BNC2: variants seen among roughly 807,000 people sequenced by gnomAD.
The protein encoded by BNC2 is basonuclin zinc finger protein 2, also known as zinc finger protein basonuclin-2.
Under a neutral mutation model 76.3 loss-of-function variants are expected in BNC2, and 20 were observed. The ratio of observed to expected loss-of-function variants is 0.26; its 90% confidence interval spans 0.18 to 0.38. The LOEUF is 0.38. Among genes scored for constraint, BNC2 ranks in the 10% least tolerant of loss-of-function variants. The probability of loss-of-function intolerance (pLI) is 1.00; values close to 1 mark genes in which losing one functional copy is unlikely to be tolerated. For synonymous variants in BNC2, 582 were observed against 514.8 expected, an observed-to-expected ratio of 1.13 and a Z score of -1.77; for missense variants, 1,382 against 1,399.8, an observed-to-expected ratio of 0.99 and a Z score of 0.20.
At chr9:16,465,533 A>C (rs1244994302) in intron 5 of BNC2, among the ~76,000 whole-genome samples, 1 of 152,080 alleles carries the variant, frequency 6.6e-6, no homozygotes, top group African/African-American at 2.4e-5. Context: ...GATTAGAACA[A>C]ACACCAGCCA....
At chr9:16,598,113 G>A (rs972302526) in intron 3 of BNC2, among the ~76,000 whole-genome samples, 7 of 152,044 alleles carry the variant, frequency 4.6e-5, no homozygotes, top group Non-Finnish European at 7.4e-5. Context: ...TTCACATCAC[G>A]TGCTAGACAC....
chr9:16,451,423 C>G (rs952333841), intron 5 of BNC2, among the ~76,000 whole-genome samples: 1 of 152,138 alleles, frequency 6.6e-6, no homozygotes, highest in African/African-American at 2.4e-5. Context: ...ATTTCACTCC[C>G]CTTCTTAGCA....
chr9:16,518,664 C>T (rs1418637454), intron 5 of BNC2, among the ~76,000 whole-genome samples: 2 of 151,818 alleles, frequency 1.3e-5, no homozygotes, highest in African/African-American at 4.8e-5. Flanking sequence ...GCAGTAGCAC[C>T]GTCTTGGCTC....
At chr9:16,707,053 T>C (rs971979932) in intron 3 of BNC2, among the ~76,000 whole-genome samples, 3 of 152,192 alleles carry the variant, frequency 2.0e-5, no homozygotes, top group East Asian at 1.9e-4. Context: ...ATACAAAAAA[T>C]TAGCCGGGCG....
intron 1 of BNC2, among the ~76,000 whole-genome samples, chr9:16,776,030 G>A (rs1180044051): frequency 6.6e-6 from 1 of 152,160 alleles, no homozygotes; most frequent in African/African-American, 2.4e-5. Context: ...CCCCGACCAG[G>A]TCAGGCACTT....
intron 5 of BNC2, among the ~76,000 whole-genome samples, chr9:16,536,556 T>A (rs530719605): frequency 6.6e-6 from 1 of 152,166 alleles, no homozygotes; most frequent in African/African-American, 2.4e-5. Flanking sequence ...ACAGCCTGTT[T>A]GACATGGAGA....
chr9:16,610,529 G>A (rs922199850), intron 3 of BNC2, among the ~76,000 whole-genome samples: 10 of 152,182 alleles, frequency 6.6e-5, no homozygotes, highest in Non-Finnish European at 1.2e-4. Flanking sequence ...TTGAAACAGA[G>A]ATAGGTAGTC....
intron 1 of BNC2, among the ~76,000 whole-genome samples, chr9:16,832,797 C>T (rs1818609648): frequency 6.6e-6 from 1 of 151,962 alleles, no homozygotes; most frequent in Admixed American, 6.6e-5. Flanking sequence ...GCGATCTCGG[C>T]TTACTGCAAC....
intron 1 of BNC2, among the ~76,000 whole-genome samples, chr9:16,770,769 T>C (rs1825811713): frequency 6.6e-6 from 1 of 151,064 alleles, no homozygotes; most frequent in Admixed American, 6.6e-5. Flanking sequence ...GGGGCTGAGG[T>C]GGGAGAATCG....
intron 3 of BNC2, among the ~76,000 whole-genome samples, chr9:16,709,490 G>C (rs1370016536): frequency 1.3e-5 from 2 of 152,182 alleles, no homozygotes; most frequent in African/African-American, 2.4e-5. Flanking sequence ...GAAGGGAAGA[G>C]AGAGTTAAGC....
At chr9:16,735,863 A>T (rs1824652009) in intron 2 of BNC2, among the ~76,000 whole-genome samples, 1 of 152,126 alleles carries the variant, frequency 6.6e-6, no homozygotes, top group African/African-American at 2.4e-5. Context: ...AGAAGCTTGC[A>T]GCCTCAGTAA....
chr9:16,462,809 T>C (rs1053093212), intron 5 of BNC2, among the ~76,000 whole-genome samples: 4 of 152,180 alleles, frequency 2.6e-5, no homozygotes, highest in African/African-American at 7.2e-5. Flanking sequence ...CTTTCTGTTC[T>C]TTGTTTTTGT....
chr9:16,467,634 A>G (rs1403521607), intron 5 of BNC2, among the ~76,000 whole-genome samples: 3 of 142,848 alleles, frequency 2.1e-5, no homozygotes, highest in Non-Finnish European at 4.5e-5. Flanking sequence ...CTGAACAATG[A>G]GATCACATGG....
chr9:16,640,330 A>G (rs1821456651), intron 3 of BNC2, among the ~76,000 whole-genome samples: 1 of 152,326 alleles, frequency 6.6e-6, no homozygotes, highest in African/African-American at 2.4e-5. Context: ...ATCACATTTC[A>G]TATCCAGATC....
At chr9:16,776,804 G>A (rs1485567318) in intron 1 of BNC2, among the ~76,000 whole-genome samples, 1 of 152,134 alleles carries the variant, frequency 6.6e-6, no homozygotes, top group African/African-American at 2.4e-5. Context: ...TGAAAGAAAC[G>A]AATATGAAGG....
intron 3 of BNC2, among the ~76,000 whole-genome samples, chr9:16,606,147 A>T (rs1010190872): frequency 1.3e-5 from 2 of 152,220 alleles, no homozygotes; most frequent in African/African-American, 4.8e-5. Context: ...AAGTAAGAGA[A>T]GTAATTATAG....
intron 1 of BNC2, among the ~76,000 whole-genome samples, chr9:16,848,422 A>G (rs1819043023): frequency 6.6e-6 from 1 of 152,216 alleles, no homozygotes; most frequent in African/African-American, 2.4e-5. Context: ...GAACCTATCC[A>G]ATGCAAAACA....
intron 3 of BNC2, among the ~76,000 whole-genome samples, chr9:16,694,875 C>A (rs553582490): frequency 2.0e-4 from 31 of 152,270 alleles, no homozygotes; most frequent in Admixed American, 5.9e-4. Context: ...GATACCCCCC[C>A]ACCCCCATCC....
intron 1 of BNC2, among the ~76,000 whole-genome samples, chr9:16,747,827 C>A (rs1825055669): frequency 1.3e-5 from 2 of 152,162 alleles, no homozygotes; most frequent in Non-Finnish European, 2.9e-5. Context: ...CTTGACTTGG[C>A]ATGGGAAAGA....
Sources: gnomAD v4.1 joint callset for allele counts (sites outside exome capture counted in the v4.1 genomes callset) on GRCh38, gnomAD v4.1.1 for gene constraint, MANE v1.5 for transcripts, NCBI Gene and HGNC (gene_info 2026-07-23, HGNC 2026-07-21) for gene names.